Variants in SLMAP observed in about 807,000 individuals in gnomAD.
SLMAP encodes sarcolemma associated protein.
In SLMAP, 44 loss-of-function variants were observed where a neutral mutation model predicts 128.8. The observed-to-expected ratio is 0.34, with a 90% CI of 0.27 to 0.44. The LOEUF (loss-of-function observed/expected upper bound fraction) is 0.44. Among genes scored for constraint, SLMAP ranks in the 20% least tolerant of loss-of-function variants. SLMAP has a pLI of 1.00. For synonymous variants in SLMAP, 327 were observed against 348.8 expected, an observed-to-expected ratio of 0.94 and a Z score of 0.70; for missense variants, 787 against 985.3, an observed-to-expected ratio of 0.80 and a Z score of 2.69.
At chr3:57,850,554 G>C (rs1197224242) in intron 6 of SLMAP, among the ~76,000 whole-genome samples, 1 of 152,124 alleles carries the variant, frequency 6.6e-6, no homozygotes, top group African/African-American at 2.4e-5. Flanking sequence ...AAAGTGCTGG[G>C]ATTATAGGTG....
At chr3:57,876,801 A>G (rs1215383598) in intron 14 of SLMAP, among the ~76,000 whole-genome samples, 1 of 152,238 alleles carries the variant, frequency 6.6e-6, no homozygotes, top group African/African-American at 2.4e-5. Flanking sequence ...AAGGACATGG[A>G]GAACTGCCAT....
chr3:57,841,127 G>A lies in SLMAP; in HGVS notation c.347-172G>A, dbSNP rs12492247. Among the ~76,000 whole-genome samples, 46,072 of 151,942 alleles carry A rather than the reference G, an allele frequency of 0.3. 7,296 individuals carry two copies. The highest frequency in any genetic ancestry group is 0.5 in the East Asian group (2,576 of 5,184). ...TATTTCTACCTTGAAATTGTGATTC[G>A]TTATGGACAAGATGAGTTTCTCCAG... On this transcript the variant is annotated intron_variant, in intron 3 of 24. Coordinates refer to ENST00000671191, the MANE Select transcript of SLMAP (RefSeq NM_001377540.1).
At chr3:57,842,728 C>T (rs2093998629) in intron 4 of SLMAP, among the ~76,000 whole-genome samples, 1 of 152,062 alleles carries the variant, frequency 6.6e-6, no homozygotes, top group Non-Finnish European at 1.5e-5. Context: ...TTCATCTTTG[C>T]CCATTTTCTT....
At chr3:57,767,323 C>T (rs2079944078) in intron 2 of SLMAP, among the ~76,000 whole-genome samples, 1 of 152,188 alleles carries the variant, frequency 6.6e-6, no homozygotes, top group African/African-American at 2.4e-5. Context: ...ATAGGCACTA[C>T]ATTCATGTTT....
chr3:57,849,603 T>G, intron 5 of SLMAP, 151 bp from the exon 6 acceptor site: 2 of 493,448 alleles, frequency 4.1e-6, no homozygotes, highest in Non-Finnish European at 7.2e-6. Context: ...AGAAAAAAAT[T>G]TAAAAGGCTA....
chr3:57,811,956 C>G (rs1328415319), intron 2 of SLMAP, among the ~76,000 whole-genome samples: 1 of 152,080 alleles, frequency 6.6e-6, no homozygotes, highest in Non-Finnish European at 1.5e-5. Context: ...TAGGTGTTCT[C>G]TATGTATTCT....
chr3:57,879,322 C>T (rs2095672092), intron 14 of SLMAP, among the ~76,000 whole-genome samples: 1 of 152,204 alleles, frequency 6.6e-6, no homozygotes. Flanking sequence ...TGACTAAATG[C>T]TTAGATGATG....
chr3:57,792,265 C>T (rs73073961), intron 2 of SLMAP, among the ~76,000 whole-genome samples: 1,521 of 152,014 alleles, frequency 0.01, 35 homozygotes, highest in Non-Finnish European at 9.4e-3. Flanking sequence ...TGTCTATCTT[C>T]TTCTCCAAGT....
chr3:57,871,561 G>A, intron 13 of SLMAP, 75 bp from the exon 14 acceptor site: 6 of 1,127,820 alleles, frequency 5.3e-6, no homozygotes, highest in Non-Finnish European at 8.1e-6. Flanking sequence ...ATACTTTTCA[G>A]TTTTCCTACC....
chr3:57,896,561 A>G lies in SLMAP; in HGVS notation c.1411A>G (p.Ser471Gly). The change falls in exon 16 of 25, where the codon AGC becomes GGC. Residue 471 changes from serine to glycine, a missense_variant. By Grantham distance (56) the Ser-to-Gly change is moderately conservative (BLOSUM62 0). This residue lies in a region of SLMAP where 715 missense variants were observed against 843.6 expected (regional missense o/e 0.85). Transcript: ENST00000671191. ...ESDFSDTLSP[S>G]KEKSSDDTTD... is the part of the protein sequence containing the mutation. ...TGATTTTTCAGATACTCTGAGTCCA[A>G]GCAAGGAAAAAAGCAGTGACGACAC... 5.0e-6 allele frequency: 8 copies of G among 1,611,148 alleles called. No individual in the cohort carries two copies. The South Asian group carries it at 8.9e-5, about 18-fold the overall frequency.
intron 2 of SLMAP, among the ~76,000 whole-genome samples, chr3:57,830,723 C>A (rs985855820): frequency 6.6e-6 from 1 of 152,170 alleles, no homozygotes; most frequent in African/African-American, 2.4e-5. Flanking sequence ...TTGTACCCAT[C>A]CCATTCCTAC....
chr3:57,906,688 T>A (rs1198256494), intron 17 of SLMAP, among the ~76,000 whole-genome samples: 12 of 147,292 alleles, frequency 8.1e-5, no homozygotes, highest in African/African-American at 2.5e-4. Context: ...TATATATATA[T>A]ATATATATAT....
chr3:57,787,697 A>C (rs1052751340), intron 2 of SLMAP, among the ~76,000 whole-genome samples: 2 of 152,078 alleles, frequency 1.3e-5, no homozygotes, highest in African/African-American at 4.8e-5. Context: ...GCTGGTCTTG[A>C]ACTCCTGACC....
intron 2 of SLMAP, among the ~76,000 whole-genome samples, chr3:57,805,177 T>C (rs941338949): frequency 1.3e-5 from 2 of 152,218 alleles, no homozygotes; most frequent in Admixed American, 6.5e-5. Flanking sequence ...AAGCATTTTT[T>C]TTCCCACTGG....
intron 19 of SLMAP, among the ~76,000 whole-genome samples, chr3:57,910,293 G>A (rs1282207489): frequency 6.6e-6 from 1 of 152,054 alleles, no homozygotes; most frequent in Non-Finnish European, 1.5e-5. Context: ...GAGTTCAAGT[G>A]ATTCTGGAGC....
chr3:57,882,607 G>A (rs1267594376), intron 14 of SLMAP, among the ~76,000 whole-genome samples: 1 of 152,190 alleles, frequency 6.6e-6, no homozygotes. Flanking sequence ...AGGGAAATTA[G>A]CCATGGACAA....
In SLMAP at chr3:57,864,700, G is replaced by C. The variant is rs759483873; in HGVS notation, c.1119G>C (p.Arg373Ser). Residue 373 changes from arginine to serine, a missense_variant, in exon 11 of 25, where the codon AGG becomes AGC. This residue lies in a region of SLMAP where 715 missense variants were observed against 843.6 expected (regional missense o/e 0.85). Coordinates refer to ENST00000671191, the MANE Select transcript of SLMAP (RefSeq NM_001377540.1). ...LQADNDFTNE[R>S]LTALQVRLEH... ...CTGATAATGATTTCACCAATGAAAGGCTAACAGCTTTACAAGGTAAGTAGC... is the reference window on the plus strand; with the variant it reads ...CTGATAATGATTTCACCAATGAAAGCCTAACAGCTTTACAAGGTAAGTAGC... 2 of 1,593,542 alleles carry C rather than the reference G, an allele frequency of 1.3e-6. No homozygotes were observed. Among genetic ancestry groups the C allele is most frequent in the Non-Finnish European group, 1.7e-6 (2 of 1,174,846 alleles).
At position 57,878,271 on chromosome 3, in the gene SLMAP, G is replaced by A. The variant is rs375765324; in HGVS notation, c.1300+6573G>A. Among the ~76,000 whole-genome samples the A allele has an allele frequency of 1.5e-3, 229 of 151,968 alleles. 2 individuals carry two copies. Among genetic ancestry groups the A allele is most frequent in the African/African-American group, 5.1e-3 (209 of 41,250 alleles). ...GAAATGAGTAACCTTATGAAAGTCTGTATTATTAAAACTGGGAACCTCACA... is the reference window on the plus strand; with the variant it reads ...GAAATGAGTAACCTTATGAAAGTCTATATTATTAAAACTGGGAACCTCACA... On this transcript the variant is annotated intron_variant, in intron 14 of 24. Transcript: ENST00000671191.
chr3:57,853,277 A>G (rs1577667712), intron 6 of SLMAP, among the ~76,000 whole-genome samples: 1 of 152,230 alleles, frequency 6.6e-6, no homozygotes, highest in Non-Finnish European at 1.5e-5. Context: ...GCTTTTTATT[A>G]GATTCTTTAA....
Sources: allele counts gnomAD v4.1 joint callset (sites outside exome capture counted in the v4.1 genomes callset), GRCh38; gene constraint gnomAD v4.1.1; regional missense constraint gnomAD v4.1.1; transcripts MANE v1.5; gene names NCBI Gene and HGNC (gene_info 2026-07-23, HGNC 2026-07-21).